Variants in RANBP2 observed in about 807,000 individuals in gnomAD.
RANBP2 encodes the protein E3 SUMO-protein ligase RanBP2.
Under a neutral mutation model 303.6 loss-of-function variants are expected in RANBP2, and 57 were observed. That is an observed-to-expected ratio of 0.19 (90% CI 0.15 to 0.23). The LOEUF (loss-of-function observed/expected upper bound fraction) is 0.23, where lower values mean the gene tolerates loss of function less well. RANBP2 is among the 10% of genes least tolerant of loss of function. RANBP2 has a pLI of 1.00. For synonymous variants in RANBP2, 1,167 were observed against 1,301.5 expected, an observed-to-expected ratio of 0.90 and a Z score of 2.23; for missense variants, 3,138 against 3,780.8, an observed-to-expected ratio of 0.83 and a Z score of 4.46.
At chr2:108,967,351 T>C in the RANBP2 span, among the ~76,000 whole-genome samples, 3 of 152,156 alleles carry the variant, frequency 2.0e-5, no homozygotes, top group Non-Finnish European at 4.4e-5. Flanking sequence ...TTTACTTCAA[T>C]AGTTCATGTT....
At chr2:109,451,488 T>C in the RANBP2 span, among the ~76,000 whole-genome samples, 1 of 152,198 alleles carries the variant, frequency 6.6e-6, no homozygotes, top group Non-Finnish European at 1.5e-5. Flanking sequence ...GTGAAGCAAA[T>C]GGGACTGGCT....
the RANBP2 span, among the ~76,000 whole-genome samples, chr2:109,204,778 AT>A: frequency 6.6e-6 from 1 of 152,132 alleles, no homozygotes; most frequent in East Asian, 1.9e-4. Flanking sequence ...TGCATTCTAG[AT>A]TTATTGGGTC....
At chr2:109,428,251 A>G in the RANBP2 span, among the ~76,000 whole-genome samples, 4 of 152,372 alleles carry the variant, frequency 2.6e-5, no homozygotes, top group Admixed American at 6.5e-5. Context: ...CACCATCTAG[A>G]GGAGAAAGGG....
chr2:109,222,324 A>C, the RANBP2 span, among the ~76,000 whole-genome samples: 1 of 152,252 alleles, frequency 6.6e-6, no homozygotes, highest in African/African-American at 2.4e-5. Context: ...TATATTTTAC[A>C]ATAGCTAAAA....
chr2:109,129,721 C>G, the RANBP2 span: 3 of 1,538,024 alleles, frequency 2.0e-6, no homozygotes, highest in Non-Finnish European at 2.6e-6. Flanking sequence ...CTCCGTGTGT[C>G]TGGAGCGCCT....
the RANBP2 span, among the ~76,000 whole-genome samples, chr2:109,371,305 G>T: frequency 6.6e-6 from 1 of 152,198 alleles, no homozygotes; most frequent in African/African-American, 2.4e-5. Context: ...CAGGAGAATC[G>T]CTTGAACCCC....
chr2:108,774,988 G>A (rs889848899), intron 23 of RANBP2, among the ~76,000 whole-genome samples: 2 of 151,862 alleles, frequency 1.3e-5, no homozygotes, highest in Admixed American at 1.3e-4. Context: ...CACTGGGCCC[G>A]GCCTAGTTTC....
the RANBP2 span, chr2:109,490,589 T>A: frequency 7.1e-7 from 1 of 1,416,640 alleles, no homozygotes; most frequent in Non-Finnish European, 9.2e-7. Context: ...GGTTTCCATC[T>A]TGTGTGTCTC....
the RANBP2 span, among the ~76,000 whole-genome samples, chr2:109,086,146 A>G: frequency 1.3e-5 from 2 of 152,154 alleles, no homozygotes; most frequent in African/African-American, 4.8e-5. Context: ...CATTGCAGGC[A>G]TGTAGCACGT....
At chr2:109,116,277 G>A in the RANBP2 span, among the ~76,000 whole-genome samples, 9 of 152,310 alleles carry the variant, frequency 5.9e-5, no homozygotes, top group Admixed American at 2.0e-4. Flanking sequence ...CCAGTTAGAC[G>A]TAGATTTGGT....
At chr2:108,747,485 G>A (rs1696604641) in intron 8 of RANBP2, among the ~76,000 whole-genome samples, 1 of 152,200 alleles carries the variant, frequency 6.6e-6, no homozygotes, top group Admixed American at 6.5e-5. Context: ...GTATAGTTAG[G>A]CTGTTGGCCA....
chr2:109,613,671 C>A, the RANBP2 span: 89,052 of 598,452 alleles, frequency 0.15, 7,325 homozygotes, highest in African/African-American at 0.27. Context: ...GAGCACTGGG[C>A]GGGCGGGGCC....
chr2:108,847,456 T>G, the RANBP2 span, among the ~76,000 whole-genome samples: 1 of 152,208 alleles, frequency 6.6e-6, no homozygotes, highest in Non-Finnish European at 1.5e-5. Context: ...TTTCAGTGCT[T>G]GCACTAGCTT....
In RANBP2 at chr2:108,755,257, A is replaced by C; in HGVS notation, c.2464A>C (p.Lys822Gln). The C allele has an allele frequency of 6.2e-7, 1 of 1,611,874 alleles. No homozygotes were observed. Among genetic ancestry groups the C allele is most frequent in the Non-Finnish European group, 8.5e-7 (1 of 1,179,828 alleles). Residue 822 changes from lysine (K) to glutamine (Q), a missense_variant and splice_region_variant, in exon 17 of 29, where the codon AAG becomes CAG. Transcript: ENST00000283195. ...KMICQQVEAI[K>Q]KEMQELKLNS... ...GATTTGCCAACAAGTAGAGGCCATT[A>C]AGGTAAGTCACTTAATTTCTCTAGC...
the RANBP2 span, among the ~76,000 whole-genome samples, chr2:109,078,058 A>C: frequency 1.6e-5 from 2 of 128,800 alleles, no homozygotes; most frequent in Admixed American, 1.6e-4. Flanking sequence ...GAAACAACCT[A>C]ACTGTCCATT....
chr2:109,240,767 G>A, the RANBP2 span, among the ~76,000 whole-genome samples: 3 of 150,950 alleles, frequency 2.0e-5, no homozygotes, highest in South Asian at 2.1e-4. Context: ...TCCTCCTGTC[G>A]TCCTTCTCCT....
At chr2:109,435,694 G>GT in the RANBP2 span, among the ~76,000 whole-genome samples, 1 of 152,266 alleles carries the variant, frequency 6.6e-6, no homozygotes, top group African/African-American at 2.4e-5. Context: ...ATGTGTGTCT[G>GT]TATCTGTTGT....
the RANBP2 span, among the ~76,000 whole-genome samples, chr2:109,638,674 A>G: frequency 6.6e-6 from 1 of 152,234 alleles, no homozygotes; most frequent in African/African-American, 2.4e-5. Flanking sequence ...ACAGTAGTAC[A>G]AAAACAAAAA....
At chr2:109,330,356 T>C in the RANBP2 span, among the ~76,000 whole-genome samples, 1 of 152,198 alleles carries the variant, frequency 6.6e-6, no homozygotes, top group African/African-American at 2.4e-5. Flanking sequence ...GTCTCTTCCT[T>C]CTTTTTTTTT....
Sources: allele counts gnomAD v4.1 joint callset (sites outside exome capture counted in the v4.1 genomes callset), GRCh38; gene constraint gnomAD v4.1.1; transcripts MANE v1.5; gene names NCBI Gene and HGNC (gene_info 2026-07-23, HGNC 2026-07-21).